The following RHBDD1 variants were observed in gnomAD, a reference collection of about 807,000 sequenced individuals.
RHBDD1 encodes rhomboid domain containing 1, also known as rhomboid-related protein 4.
In RHBDD1, 38 loss-of-function variants were observed where a neutral mutation model predicts 36.3. The ratio of observed to expected loss-of-function variants is 1.05; its 90% CI spans 0.81 to 1.37. RHBDD1 has a LOEUF of 1.37. RHBDD1 is among the 40% of genes most tolerant of loss of function. The pLI, the probability that RHBDD1 is intolerant of heterozygous loss-of-function variation, is 0.00. For synonymous variants in RHBDD1, 151 were observed against 136.5 expected (o/e 1.11, Z -0.74); for missense variants, 393 against 377.6 (o/e 1.04, Z -0.34).
In RHBDD1 at chr2:226,996,722, T is replaced by A. The variant is rs747138096; in HGVS notation, c.*1200T>A. ...GCAGGGGTTATCTTTGGGAGTGGAG[T>A]ACATGGGATTTTGCTTTCTTCATTT... On this transcript the variant is annotated 3_prime_UTR_variant, in exon 9 of 9. Coordinates refer to ENST00000392062, the MANE Select transcript of RHBDD1 (RefSeq NM_001167608.3). The A allele has an allele frequency of 3.3e-5, 5 of 152,076 alleles. No individual in the cohort carries two copies. The highest frequency in any genetic ancestry group is 5.9e-5 in the Non-Finnish European group (4 of 68,016). 9.4% of individuals were successfully genotyped at this position (152,076 alleles called of 1,614,324 possible). A position where few individuals can be genotyped will look rare whatever the true frequency, so the allele number is the denominator to read the frequency against.
chr2:226,838,549 A>G (rs1170184302), intron 2 of RHBDD1, among the ~76,000 whole-genome samples: 1 of 152,176 alleles, frequency 6.6e-6, no homozygotes, highest in African/African-American at 2.4e-5. Flanking sequence ...GAATTAAATG[A>G]AATAACGCAT....
intron 3 of RHBDD1, among the ~76,000 whole-genome samples, chr2:226,859,571 T>C (rs1312264891): frequency 2.0e-5 from 3 of 152,184 alleles, no homozygotes; most frequent in Admixed American, 1.3e-4. Flanking sequence ...TCACTGTGTA[T>C]TTGTGGTGAT....
intron 8 of RHBDD1, among the ~76,000 whole-genome samples, chr2:226,937,784 G>A (rs957450244): frequency 1.3e-5 from 2 of 152,082 alleles, no homozygotes; most frequent in East Asian, 1.9e-4. Context: ...CGGTTTTGTT[G>A]TGGCTGCATA....
chr2:226,854,754 C>T (rs1943159708), intron 3 of RHBDD1, among the ~76,000 whole-genome samples: 1 of 151,758 alleles, frequency 6.6e-6, no homozygotes, highest in South Asian at 2.1e-4. Flanking sequence ...ATATTTTTTC[C>T]ATAAAGAGTA....
intron 8 of RHBDD1, among the ~76,000 whole-genome samples, chr2:226,950,251 C>T (rs1166334132): frequency 6.6e-6 from 1 of 152,174 alleles, no homozygotes; most frequent in Non-Finnish European, 1.5e-5. Context: ...TCTGTGAGTT[C>T]AGTTTTTTAA....
At chr2:226,976,001 C>T (rs559934904) in intron 8 of RHBDD1, among the ~76,000 whole-genome samples, 25 of 151,988 alleles carry the variant, frequency 1.6e-4, no homozygotes, top group African/African-American at 5.8e-4. Flanking sequence ...AAATAGGTCT[C>T]CTGCCCCCAT....
At position 226,951,887 on chromosome 2, in the gene RHBDD1, A is replaced by G. The variant is rs566685956; in HGVS notation, c.856+37536A>G. On this transcript the variant is annotated intron_variant, in intron 8 of 8. Transcript: ENST00000392062. ...GAGATTGTGCATGTATCCAAGGACT[A>G]CAATTCAAGAAAGACCAAAGATATA... Among the ~76,000 whole-genome samples the G allele has an allele frequency of 6.6e-5, 10 of 152,360 alleles. No individual in the cohort carries two copies. In the South Asian group the frequency reaches 2.1e-3, roughly 32 times the overall value.
intron 7 of RHBDD1, among the ~76,000 whole-genome samples, chr2:226,909,429 G>A (rs1455225915): frequency 3.9e-5 from 6 of 152,136 alleles, no homozygotes; most frequent in Non-Finnish European, 5.9e-5. Flanking sequence ...TCCAGTCTGG[G>A]GTGGCTACAC....
At chr2:226,820,918 TG>T in the RHBDD1 span, among the ~76,000 whole-genome samples, 16 of 152,118 alleles carry the variant, frequency 1.1e-4, no homozygotes, top group Non-Finnish European at 1.9e-4. Flanking sequence ...GATGAAGAAA[TG>T]GGGCCTGTAA....
At chr2:226,827,335 C>A in the RHBDD1 span, among the ~76,000 whole-genome samples, 9 of 152,140 alleles carry the variant, frequency 5.9e-5, no homozygotes, top group Non-Finnish European at 1.0e-4. Context: ...ATAACCTTTC[C>A]ATTATCCCAA....
chr2:226,821,860 GA>G, the RHBDD1 span, among the ~76,000 whole-genome samples: 1 of 151,768 alleles, frequency 6.6e-6, no homozygotes, highest in African/African-American at 2.4e-5. Flanking sequence ...TGTCATCTTT[GA>G]TTTTTTTCTA....
At chr2:226,940,032 T>C (rs1029612471) in intron 8 of RHBDD1, among the ~76,000 whole-genome samples, 3 of 152,158 alleles carry the variant, frequency 2.0e-5, no homozygotes, top group African/African-American at 7.2e-5. Context: ...CCCTATTTAA[T>C]AAATGGTGCT....
intron 8 of RHBDD1, among the ~76,000 whole-genome samples, chr2:226,926,685 G>C (rs1949691498): frequency 6.6e-6 from 1 of 152,094 alleles, no homozygotes; most frequent in African/African-American, 2.4e-5. Flanking sequence ...CTAATACCTG[G>C]TTACTAGTTT....
At chr2:226,904,306 A>T (rs980048680) in intron 5 of RHBDD1, among the ~76,000 whole-genome samples, 1 of 151,008 alleles carries the variant, frequency 6.6e-6, no homozygotes, top group African/African-American at 2.4e-5. Context: ...AGGGGCACTC[A>T]TCCCAGCTCC....
At chr2:226,861,346 C>T (rs1023652927) in intron 3 of RHBDD1, among the ~76,000 whole-genome samples, 2 of 152,120 alleles carry the variant, frequency 1.3e-5, no homozygotes, top group African/African-American at 4.8e-5. Flanking sequence ...GAGCAGTCAA[C>T]AGTGGAGAGC....
At chr2:226,834,720 C>A (rs1054115751), upstream of RHBDD1, among the ~76,000 whole-genome samples, 1 of 152,126 alleles carries the variant, frequency 6.6e-6, no homozygotes, top group African/African-American at 2.4e-5. Flanking sequence ...TTCGGATACT[C>A]GGATTCCTTC....
In RHBDD1 at chr2:226,995,947, C is replaced by G. The variant is rs1186302791; in HGVS notation, c.*425C>G. On this transcript the variant is annotated 3_prime_UTR_variant, in exon 9 of 9. Coordinates refer to ENST00000392062, the MANE Select transcript of RHBDD1 (RefSeq NM_001167608.3). Reference sequence around the variant, plus strand: ...GCGGGTGTGGAGCCATCCCCGCGTCCTCCTGGCGCATTGCCACTGTGGCTG... The same window carrying G: ...GCGGGTGTGGAGCCATCCCCGCGTCGTCCTGGCGCATTGCCACTGTGGCTG... The G allele has an allele frequency of 6.1e-6, 1 of 164,002 alleles. No homozygotes were observed. Among genetic ancestry groups the G allele is most frequent in the Non-Finnish European group, 1.3e-5 (1 of 76,294 alleles). The allele number at this position is 164,002 out of a possible 1,614,324, so 10.2% of individuals were successfully genotyped here.
intron 8 of RHBDD1, among the ~76,000 whole-genome samples, chr2:226,927,965 A>G (rs1222996465): frequency 6.6e-6 from 1 of 152,110 alleles, no homozygotes; most frequent in African/African-American, 2.4e-5. Flanking sequence ...GATGAAGCAC[A>G]ATTTATCAAT....
intron 8 of RHBDD1, among the ~76,000 whole-genome samples, chr2:226,915,262 GTAGAAC>G (rs1459913567): frequency 1.3e-5 from 2 of 152,170 alleles, no homozygotes; most frequent in African/African-American, 2.4e-5. Context: ...TCAAGAATGT[GTAGAAC>G]TTGAAGAGCT....
Sources: allele counts gnomAD v4.1 joint callset (sites outside exome capture counted in the v4.1 genomes callset), GRCh38; gene constraint gnomAD v4.1.1; transcripts MANE v1.5; gene names NCBI Gene and HGNC (gene_info 2026-07-23, HGNC 2026-07-21).